The following GPAT4 variants were observed in gnomAD, a reference collection of about 807,000 sequenced individuals.
GPAT4 encodes the protein glycerol-3-phosphate acyltransferase 4.
Under a neutral mutation model 58.0 loss-of-function variants are expected in GPAT4, and 17 were observed. The ratio of observed to expected loss-of-function variants is 0.29; its 90% CI spans 0.20 to 0.44. GPAT4 has a LOEUF of 0.44. Among genes scored for constraint, GPAT4 ranks in the 20% least tolerant of loss-of-function variants. GPAT4 has a pLI of 1.00. For missense variants in GPAT4, 377 were observed against 574.5 expected, an observed-to-expected ratio of 0.66 and a Z score of 3.51; for synonymous variants, 204 against 210.1, an observed-to-expected ratio of 0.97 and a Z score of 0.25.
chr8:41,585,775 T>C (rs1802636059), intron 1 of GPAT4, among the ~76,000 whole-genome samples: 1 of 152,224 alleles, frequency 6.6e-6, no homozygotes. Flanking sequence ...GCTTTACTGC[T>C]TCCCTGACAT....
intron 1 of GPAT4, among the ~76,000 whole-genome samples, chr8:41,581,946 TAAAA>T (rs536635092): frequency 7.9e-6 from 1 of 126,442 alleles, no homozygotes; most frequent in African/African-American, 2.9e-5. Context: ...TTGTTTGAAT[TAAAA>T]AAAAAAAATG....
rs1173985708 is a variant in GPAT4, at chr8:41,624,896, T to C, written c.*3895T>C. The stretch of plus-strand genomic sequence containing the variant: ...TGGCCGGCCAGCTGCATTGATTTCC[T>C]ATTAGTCTCCCAGCACCACCCAGTA... On this transcript the variant is annotated 3_prime_UTR_variant, in exon 13 of 13. Coordinates refer to ENST00000396987, the MANE Select transcript of GPAT4 (RefSeq NM_178819.4). 1.3e-5 allele frequency: 2 copies of C among 152,244 alleles called. No individual in the cohort carries two copies. Among genetic ancestry groups the C allele is most frequent in the Non-Finnish European group, 2.9e-5 (2 of 68,044 alleles). The allele number at this position is 152,244 out of a possible 1,614,324, so 9.4% of individuals were successfully genotyped here.
At chr8:41,583,740 G>A (rs1413795557) in intron 1 of GPAT4, among the ~76,000 whole-genome samples, 2 of 152,108 alleles carry the variant, frequency 1.3e-5, no homozygotes, top group African/African-American at 4.8e-5. Flanking sequence ...GTTTTATTTT[G>A]CTTAGTAATG....
chr8:41,593,062 T>TC (rs776487475), intron 1 of GPAT4, among the ~76,000 whole-genome samples: 17 of 152,196 alleles, frequency 1.1e-4, no homozygotes, highest in Non-Finnish European at 1.9e-4. Flanking sequence ...ATAGCCTTTT[T>TC]CCCCATCAAA....
chr8:41,624,083 C>T lies in GPAT4; in HGVS notation c.*3082C>T, dbSNP rs1261970310. 1.3e-5 allele frequency: 2 copies of T among 152,298 alleles called. No individual in the cohort carries two copies. The highest frequency in any genetic ancestry group is 1.3e-4 in the Admixed American group (2 of 15,278). The allele number at this position is 152,298 out of a possible 1,614,324, so 9.4% of individuals were successfully genotyped here. ...AACTCCTGACCTCAGGTGATCCACT[C>T]TCCTTGGCCTCCCAAAGTTCTGGGA... On this transcript the variant is annotated 3_prime_UTR_variant, in exon 13 of 13. Transcript: ENST00000396987.
intron 1 of GPAT4, among the ~76,000 whole-genome samples, chr8:41,585,507 A>G (rs1802628510): frequency 6.6e-6 from 1 of 152,174 alleles, no homozygotes; most frequent in Admixed American, 6.5e-5. Context: ...TTTTATTATT[A>G]TTGCCTCCAG....
At chr8:41,581,824 A>C (rs1194688113) in intron 1 of GPAT4, among the ~76,000 whole-genome samples, 2 of 147,792 alleles carry the variant, frequency 1.4e-5, no homozygotes, top group African/African-American at 5.0e-5. Context: ...TAGTAGAGAC[A>C]GGGTTTCACC....
chr8:41,592,119 C>CT, intron 1 of GPAT4, among the ~76,000 whole-genome samples: 1 of 152,250 alleles, frequency 6.6e-6, no homozygotes, highest in Non-Finnish European at 1.5e-5. Flanking sequence ...AGCTATGCTT[C>CT]TTTTTTTGCA....
At chr8:41,603,964 A>ATCTT (rs1477584129) in intron 2 of GPAT4, among the ~76,000 whole-genome samples, 50 of 152,244 alleles carry the variant, frequency 3.3e-4, no homozygotes, top group African/African-American at 1.2e-3. Context: ...GTAATATAGC[A>ATCTT]ATAAGATAGC....
chr8:41,612,256 G>A lies in GPAT4; in HGVS notation c.778G>A (p.Asp260Asn), dbSNP rs765596568. ...SPIDVIILAS[D>N]GYYAMVGQVH... ...GATCGATGTGATCATCTTGGCCAGC[G>A]ATGGCTATTATGCCATGGTAAGAGC... is the stretch of plus-strand genomic sequence containing the variant. Residue 260 changes from aspartate (D) to asparagine (N), a missense_variant, in exon 7 of 13, where the codon GAT becomes AAT. Transcript: ENST00000396987. The A allele has an allele frequency of 1.5e-5, 24 of 1,614,264 alleles. No individual in the cohort carries two copies. The highest frequency in any genetic ancestry group is 3.3e-5 in the South Asian group (3 of 91,088).
At chr8:41,600,695 G>A (rs1250058393) in intron 2 of GPAT4, among the ~76,000 whole-genome samples, 1 of 151,626 alleles carries the variant, frequency 6.6e-6, no homozygotes, top group African/African-American at 2.4e-5. Context: ...ATTGTTTTCT[G>A]TCCAATTCAC....
At chr8:41,589,327 C>T (rs1015796958) in intron 1 of GPAT4, among the ~76,000 whole-genome samples, 1 of 118,186 alleles carries the variant, frequency 8.5e-6, no homozygotes, top group Admixed American at 1.2e-4. Context: ...TGGAGGCTGG[C>T]ATTCAGCAAA....
rs181504838 is a variant in GPAT4 at position 41,582,359 on chromosome 8, G to A, written c.-849+4081G>A. On this transcript the variant is annotated intron_variant, in intron 1 of 12. Transcript: ENST00000396987. ...GACTAGACAGTAAGAGTTGCACCTA[G>A]AACCTAAAGGCAGTCCTGGTTCCAG... 3.9e-5 allele frequency among the ~76,000 whole-genome samples: 6 copies of A among 151,904 alleles called. No individual in the cohort carries two copies. The East Asian group carries it at 1.2e-3, about 29-fold the overall frequency.
intron 1 of GPAT4, among the ~76,000 whole-genome samples, chr8:41,594,539 T>C (rs553549739): frequency 1.1e-4 from 16 of 145,368 alleles, no homozygotes; most frequent in African/African-American, 4.1e-4. Flanking sequence ...TTCTGACTTA[T>C]TACAAACTTT....
chr8:41,598,463 CTG>C lies in GPAT4; in HGVS notation c.-675_-674del, dbSNP rs1802989677. The C allele has an allele frequency of 6.6e-6, 1 of 152,238 alleles. No individual in the cohort carries two copies. The highest frequency in any genetic ancestry group is 1.5e-5 in the Non-Finnish European group (1 of 68,074). 9.4% of individuals were successfully genotyped at this position (152,238 alleles called of 1,614,324 possible). On this transcript the variant is annotated 5_prime_UTR_variant, in exon 2 of 13. The change abolishes the stop of an existing upstream ORF in the 5' untranslated region. Coordinates refer to ENST00000396987, the MANE Select transcript of GPAT4 (RefSeq NM_178819.4). ...AGCATCTCTTTCCTTCTGGCAAAGACTGTAGCTCTCCAGGTAGGAGGATCCTG... is the reference window on the plus strand; with the variant it reads ...AGCATCTCTTTCCTTCTGGCAAAGACTAGCTCTCCAGGTAGGAGGATCCTG...
At chr8:41,584,525 A>T (rs1802603161) in intron 1 of GPAT4, among the ~76,000 whole-genome samples, 1 of 152,204 alleles carries the variant, frequency 6.6e-6, no homozygotes, top group Non-Finnish European at 1.5e-5. Flanking sequence ...GATGGTTCTC[A>T]GTATAATTAT....
intron 1 of GPAT4, among the ~76,000 whole-genome samples, chr8:41,591,212 C>G (rs1237754614): frequency 6.6e-6 from 1 of 152,100 alleles, no homozygotes; most frequent in East Asian, 1.9e-4. Context: ...CGATGCTTTT[C>G]CATATAATGT....
chr8:41,613,029 C>A, intron 8 of GPAT4, 69 bp downstream of exon 8: 1 of 1,331,792 alleles, frequency 7.5e-7, no homozygotes, highest in Non-Finnish European at 1.1e-6. Flanking sequence ...GGTAGTTATC[C>A]CTCCACAGTG....
At chr8:41,592,440 A>G (rs1023379492) in intron 1 of GPAT4, among the ~76,000 whole-genome samples, 7 of 152,226 alleles carry the variant, frequency 4.6e-5, no homozygotes, top group African/African-American at 1.7e-4. Flanking sequence ...AAGTTGTCCT[A>G]CGGGGTGAGT....
Sources: gnomAD v4.1 joint callset for allele counts (sites outside exome capture counted in the v4.1 genomes callset) on GRCh38, gnomAD v4.1.1 for gene constraint, MANE v1.5 for transcripts, NCBI Gene and HGNC (gene_info 2026-07-23, HGNC 2026-07-21) for gene names.